The following ZDHHC14 variants were observed in gnomAD, a reference collection of about 807,000 sequenced individuals.
The protein encoded by ZDHHC14 is palmitoyltransferase ZDHHC14.
Under a neutral mutation model 47.7 loss-of-function variants are expected in ZDHHC14, and 16 were observed. The ratio of observed to expected loss-of-function variants is 0.34; its 90% CI spans 0.23 to 0.51. The LOEUF is 0.51. Among genes scored for constraint, ZDHHC14 ranks in the 20% least tolerant of loss-of-function variants. The probability of loss-of-function intolerance (pLI) is 0.97; values close to 1 mark genes in which losing one functional copy is unlikely to be tolerated. For missense variants in ZDHHC14, 515 were observed against 662.5 expected (o/e 0.78, Z 2.44); for synonymous variants, 293 against 278.9 (o/e 1.05, Z -0.50).
intron 3 of ZDHHC14, among the ~76,000 whole-genome samples, chr6:157,615,712 G>A (rs903155249): frequency 3.3e-5 from 5 of 152,296 alleles, no homozygotes; most frequent in African/African-American, 1.2e-4. Flanking sequence ...GGGCAGCATC[G>A]CACCCTAGGA....
chr6:157,384,514 A>G lies in ZDHHC14; in HGVS notation c.245+2248A>G, dbSNP rs535297205. 1.8e-4 allele frequency among the ~76,000 whole-genome samples: 27 copies of G among 152,220 alleles called. No individual in the cohort carries two copies. In the South Asian group the frequency reaches 3.1e-3, roughly 18 times the overall value. ...CTGCTATTTGCAGCATCTTTTTTAT[A>G]TCAGCTCTGTGGGAGCGTATGTGTG... On this transcript the variant is annotated intron_variant, in intron 1 of 8. Transcript: ENST00000359775.
At chr6:157,524,847 G>A (rs1781100881) in intron 1 of ZDHHC14, among the ~76,000 whole-genome samples, 1 of 152,224 alleles carries the variant, frequency 6.6e-6, no homozygotes, top group Non-Finnish European at 1.5e-5. Flanking sequence ...TTTGATGTCT[G>A]TAGTTTTGTT....
chr6:157,394,714 A>G (rs1388293458), intron 1 of ZDHHC14, among the ~76,000 whole-genome samples: 1 of 152,172 alleles, frequency 6.6e-6, no homozygotes, highest in East Asian at 1.9e-4. Flanking sequence ...TTGTAGAGTG[A>G]TGGCCAAAAT....
intron 2 of ZDHHC14, among the ~76,000 whole-genome samples, chr6:157,590,613 G>T (rs780491754): frequency 2.0e-5 from 3 of 152,246 alleles, no homozygotes; most frequent in Non-Finnish European, 4.4e-5. Flanking sequence ...GAAGTTTTCT[G>T]CAGGGGTGGA....
At chr6:157,653,280 A>G (rs1458266594) in intron 7 of ZDHHC14, among the ~76,000 whole-genome samples, 2 of 152,192 alleles carry the variant, frequency 1.3e-5, no homozygotes, top group East Asian at 1.9e-4. Context: ...AGATGCTGTC[A>G]TCTGAGCAGG....
At chr6:157,462,900 A>G (rs1290219390) in intron 1 of ZDHHC14, among the ~76,000 whole-genome samples, 1 of 152,240 alleles carries the variant, frequency 6.6e-6, no homozygotes, top group African/African-American at 2.4e-5. Flanking sequence ...CGAACAGTAC[A>G]GTGGTGGTTA....
At chr6:157,651,896 C>G (rs547678728) in intron 7 of ZDHHC14, among the ~76,000 whole-genome samples, 1 of 150,276 alleles carries the variant, frequency 6.7e-6, no homozygotes, top group South Asian at 2.1e-4. Flanking sequence ...GACACTGGCT[C>G]TCTCCCATGA....
rs913882238 is a variant in ZDHHC14 at position 157,542,835 on chromosome 6, G to C, written c.406+90G>C. ...CGGCAGGCCGAGGGCTGTGCAGGAG[G>C]AGCTGAGCGCTGGGAAGGAAGGAGG... On this transcript the variant is annotated intron_variant, in intron 2 of 8. Coordinates refer to ENST00000359775, the MANE Select transcript of ZDHHC14 (RefSeq NM_024630.3). 3 of 1,468,768 alleles carry C rather than the reference G, an allele frequency of 2.0e-6. No homozygotes were observed. The East Asian group carries it at 7.3e-5, about 36-fold the overall frequency. 91.0% of individuals were successfully genotyped at this position (1,468,768 alleles called of 1,614,324 possible).
At chr6:157,627,023 TCTCTC>T (rs1049306149) in intron 3 of ZDHHC14, among the ~76,000 whole-genome samples, 1 of 152,044 alleles carries the variant, frequency 6.6e-6, no homozygotes, top group Non-Finnish European at 1.5e-5. Flanking sequence ...AGCTCTGAAA[TCTCTC>T]CTCAAGTCCT....
rs138798264 is a variant in ZDHHC14, at chr6:157,593,856, C to G, written c.565+710C>G. On this transcript the variant is annotated intron_variant, in intron 3 of 8. Transcript: ENST00000359775. ...TCCCCACACCCACAGACCCTCTTCT[C>G]TCTGTGGCTGGAGCTGCCTAGAGAT... Among the ~76,000 whole-genome samples the G allele has an allele frequency of 9.5e-3, 1,453 of 152,354 alleles. 28 individuals are homozygous for G. The highest frequency in any genetic ancestry group is 0.033 in the African/African-American group (1,367 of 41,584).
At chr6:157,672,287 A>T (rs1778832236) in intron 8 of ZDHHC14, among the ~76,000 whole-genome samples, 1 of 152,222 alleles carries the variant, frequency 6.6e-6, no homozygotes, top group African/African-American at 2.4e-5. Flanking sequence ...TACTATCAAT[A>T]ACATTGCTAT....
At chr6:157,549,268 C>T (rs1245962575) in intron 2 of ZDHHC14, among the ~76,000 whole-genome samples, 1 of 152,230 alleles carries the variant, frequency 6.6e-6, no homozygotes, top group Non-Finnish European at 1.5e-5. Flanking sequence ...TAGTATGCCG[C>T]GGCCGGCGGG....
intron 2 of ZDHHC14, among the ~76,000 whole-genome samples, chr6:157,576,650 A>G (rs1322641103): frequency 2.0e-5 from 3 of 152,250 alleles, no homozygotes; most frequent in Non-Finnish European, 4.4e-5. Context: ...AGCAAATTCA[A>G]TAGATATAGT....
chr6:157,422,079 C>T (rs748339659), intron 1 of ZDHHC14, among the ~76,000 whole-genome samples: 2 of 152,204 alleles, frequency 1.3e-5, no homozygotes, highest in East Asian at 3.8e-4. Flanking sequence ...ACCCACGTAC[C>T]TGGGTCTCAG....
At chr6:157,618,188 C>T (rs539391763) in intron 3 of ZDHHC14, among the ~76,000 whole-genome samples, 4 of 152,246 alleles carry the variant, frequency 2.6e-5, no homozygotes, top group Admixed American at 1.3e-4. Flanking sequence ...ACAGGAGTGG[C>T]GTGGACTTAC....
intron 1 of ZDHHC14, among the ~76,000 whole-genome samples, chr6:157,530,769 G>T (rs1445506819): frequency 6.6e-6 from 1 of 152,070 alleles, no homozygotes; most frequent in Non-Finnish European, 1.5e-5. Flanking sequence ...ACATTGTTTA[G>T]TGAGTTTGTG....
intron 1 of ZDHHC14, among the ~76,000 whole-genome samples, chr6:157,455,958 C>G (rs1473127168): frequency 2.0e-5 from 3 of 152,174 alleles, no homozygotes; most frequent in Admixed American, 1.3e-4. Context: ...CCCCTTTAAT[C>G]TGACTTGTGG....
chr6:157,445,105 TACACACACACACACACACACAC>T, intron 1 of ZDHHC14, among the ~76,000 whole-genome samples: 1 of 131,768 alleles, frequency 7.6e-6, no homozygotes, highest in East Asian at 2.2e-4. Flanking sequence ...TGCCAGATAT[TACACACACACACACACACACAC>T]ACACACACAC....
intron 3 of ZDHHC14, among the ~76,000 whole-genome samples, chr6:157,617,915 T>C (rs1443243982): frequency 2.6e-5 from 4 of 152,140 alleles, no homozygotes; most frequent in Non-Finnish European, 5.9e-5. Flanking sequence ...AAATACAGAA[T>C]GTGAATGAAT....
Sources: allele counts gnomAD v4.1 joint callset (sites outside exome capture counted in the v4.1 genomes callset), GRCh38; gene constraint gnomAD v4.1.1; transcripts MANE v1.5; gene names NCBI Gene and HGNC (gene_info 2026-07-23, HGNC 2026-07-21).